Variants in IL6R observed in about 807,000 individuals in gnomAD.
The protein encoded by IL6R is interleukin 6 receptor, also known as interleukin-6 receptor subunit alpha.
IL6R carries 38 observed loss-of-function variants against 48.3 expected under a neutral mutation model. The observed-to-expected ratio is 0.79, with a 90% CI of 0.61 to 1.03. IL6R has a LOEUF of 1.03. IL6R is among the 50% of genes least tolerant of loss of function. The pLI is 0.00. For synonymous variants in IL6R, 264 were observed against 256.2 expected, an observed-to-expected ratio of 1.03 and a Z score of -0.29; for missense variants, 534 against 618.3, an observed-to-expected ratio of 0.86 and a Z score of 1.45.
intron 8 of IL6R, among the ~76,000 whole-genome samples, chr1:154,450,785 C>G (rs1173801481): frequency 6.6e-6 from 1 of 152,230 alleles, no homozygotes; most frequent in Non-Finnish European, 1.5e-5. Flanking sequence ...AGTTGAGCAG[C>G]TCCCCTGATG....
At chr1:154,429,944 G>A (rs761034299) in intron 2 of IL6R, among the ~76,000 whole-genome samples, 1 of 152,038 alleles carries the variant, frequency 6.6e-6, no homozygotes, top group Admixed American at 6.6e-5. Context: ...GAATTAGCAA[G>A]TTCTTAGCTC....
At chr1:154,463,500 C>A (rs1460858802) in intron 9 of IL6R, among the ~76,000 whole-genome samples, 1 of 152,172 alleles carries the variant, frequency 6.6e-6, no homozygotes, top group Non-Finnish European at 1.5e-5. Context: ...AAGGAAAATC[C>A]CCAAATCTTG....
intron 8 of IL6R, among the ~76,000 whole-genome samples, chr1:154,452,241 C>A (rs1205420093): frequency 1.3e-5 from 2 of 152,194 alleles, no homozygotes; most frequent in South Asian, 4.1e-4. Flanking sequence ...ACCATCTCCC[C>A]CAGAGTAAAA....
At chr1:154,418,968 G>A (rs977123969) in intron 1 of IL6R, among the ~76,000 whole-genome samples, 9 of 152,160 alleles carry the variant, frequency 5.9e-5, no homozygotes, top group African/African-American at 2.2e-4. Context: ...GAGCAGGGAA[G>A]AGGAGAGGAA....
chr1:154,425,330 T>C (rs2149228278), intron 1 of IL6R, among the ~76,000 whole-genome samples: 1 of 152,242 alleles, frequency 6.6e-6, no homozygotes, highest in East Asian at 1.9e-4. Context: ...GCAAGTGCAC[T>C]GAGTCATGAG....
intron 1 of IL6R, chr1:154,414,296 T>G (rs1688206627): frequency 2.9e-6 from 2 of 695,666 alleles, no homozygotes; most frequent in Admixed American, 6.2e-5. Context: ...CCACCTTTAT[T>G]GGAGGAAACC....
intron 5 of IL6R, among the ~76,000 whole-genome samples, chr1:154,435,475 C>G (rs1289093010): frequency 2.0e-5 from 3 of 150,384 alleles, no homozygotes; most frequent in African/African-American, 7.4e-5. Flanking sequence ...CACCACTGCA[C>G]TCCAGCCTGG....
At chr1:154,417,974 C>A (rs1168024400) in intron 1 of IL6R, among the ~76,000 whole-genome samples, 1 of 152,072 alleles carries the variant, frequency 6.6e-6, no homozygotes, top group Admixed American at 6.6e-5. Flanking sequence ...ACCTTGTGAT[C>A]CGACCTTCTC....
intron 1 of IL6R, among the ~76,000 whole-genome samples, chr1:154,412,447 G>T (rs940191397): frequency 3.3e-5 from 5 of 151,754 alleles, no homozygotes; most frequent in Non-Finnish European, 5.9e-5. Flanking sequence ...TAGTAGAGAC[G>T]GGGTTTCACC....
intron 8 of IL6R, among the ~76,000 whole-genome samples, chr1:154,451,964 C>T (rs74115747): frequency 0.05 from 7,616 of 152,184 alleles, 639 homozygotes; most frequent in African/African-American, 0.18. Flanking sequence ...TGCGGGGGAT[C>T]GGGCAGGCTT....
At chr1:154,433,122 C>T (rs931733173) in intron 3 of IL6R, among the ~76,000 whole-genome samples, 4 of 152,204 alleles carry the variant, frequency 2.6e-5, no homozygotes, top group African/African-American at 7.2e-5. Flanking sequence ...ACCCTGCCTT[C>T]GTGGCTGGGT....
At chr1:154,453,071 G>A (rs1161058795) in intron 8 of IL6R, among the ~76,000 whole-genome samples, 1 of 151,998 alleles carries the variant, frequency 6.6e-6, no homozygotes, top group African/African-American at 2.4e-5. Context: ...CGGGCATGGT[G>A]GCATGTGCCT....
intron 6 of IL6R, chr1:154,437,305 G>A: frequency 4.6e-6 from 1 of 215,906 alleles, no homozygotes; most frequent in South Asian, 5.3e-5. Flanking sequence ...CACCGTGTTA[G>A]CCAGGATGGT....
chr1:154,449,859 A>G, intron 7 of IL6R, 52 bp from the exon 8 acceptor site: 4 of 1,198,368 alleles, frequency 3.3e-6, no homozygotes, highest in Non-Finnish European at 5.0e-6. Context: ...CTGGTTCTGA[A>G]TGATGGTGCA....
chr1:154,413,202 AT>A (rs1035390897), intron 1 of IL6R, among the ~76,000 whole-genome samples: 1 of 152,162 alleles, frequency 6.6e-6, no homozygotes, highest in Non-Finnish European at 1.5e-5. Flanking sequence ...GGGTTTCACC[AT>A]GTTGGCCAGG....
chr1:154,408,870 C>T (rs1032849428), intron 1 of IL6R, among the ~76,000 whole-genome samples: 18 of 152,040 alleles, frequency 1.2e-4, no homozygotes, highest in African/African-American at 3.6e-4. Context: ...ATTATGCCAG[C>T]GCAGTGACTC....
At chr1:154,464,161 TTTTTA>T (rs1311019473) in intron 9 of IL6R, among the ~76,000 whole-genome samples, 3 of 78,906 alleles carry the variant, frequency 3.8e-5, no homozygotes, top group African/African-American at 9.5e-5. Flanking sequence ...CTTTTCTTTT[TTTTTA>T]TTTTTGAGAC....
In IL6R at chr1:154,435,157, G is replaced by A. The variant is rs1689539597; in HGVS notation, c.807+1G>A. Reference sequence around the variant, plus strand: ...GTCAAAGACATTCACAACATGGATGGTAAATTTATGTTTTACTTCTGGTCA... The same window carrying A: ...GTCAAAGACATTCACAACATGGATGATAAATTTATGTTTTACTTCTGGTCA... On this transcript the variant is annotated splice_donor_variant, in intron 5 of 9. Transcript: ENST00000368485. LOFTEE classifies it high-confidence loss of function. The A allele has an allele frequency of 1.2e-6, 2 of 1,613,502 alleles. No individual in the cohort carries two copies. The highest frequency in any genetic ancestry group is 1.7e-5 in the Admixed American group (1 of 59,994).
At chr1:154,411,347 A>G (rs959125024) in intron 1 of IL6R, among the ~76,000 whole-genome samples, 6 of 152,186 alleles carry the variant, frequency 3.9e-5, no homozygotes, top group Non-Finnish European at 7.3e-5. Context: ...GGCATGAGCC[A>G]CCGCGCCTGG....
Sources: allele counts gnomAD v4.1 joint callset (sites outside exome capture counted in the v4.1 genomes callset), GRCh38; gene constraint gnomAD v4.1.1; transcripts MANE v1.5; gene names NCBI Gene and HGNC (gene_info 2026-07-23, HGNC 2026-07-21).